The following PCDH9 variants were observed in gnomAD, a reference collection of about 807,000 sequenced individuals.
The protein encoded by PCDH9 is protocadherin 9.
PCDH9 carries 24 observed loss-of-function variants against 70.6 expected under a neutral mutation model. That is an observed-to-expected ratio of 0.34 (90% confidence interval 0.25 to 0.48). The LOEUF is 0.48. Ranked by LOEUF, PCDH9 falls within the 20% of genes least tolerant of loss-of-function variation. PCDH9 has a pLI of 0.99. For synonymous variants in PCDH9, 562 were observed against 558.5 expected (o/e 1.01, Z -0.09); for missense variants, 1,281 against 1,503.6 (o/e 0.85, Z 2.45).
chr13:66,436,333 C>T (rs1957867640), intron 4 of PCDH9, among the ~76,000 whole-genome samples: 1 of 152,122 alleles, frequency 6.6e-6, no homozygotes, highest in South Asian at 2.1e-4. Context: ...CAGCAAGAAA[C>T]ACCTCTCCAG....
chr13:66,423,726 G>A (rs1051393340), intron 4 of PCDH9, among the ~76,000 whole-genome samples: 16 of 152,136 alleles, frequency 1.1e-4, no homozygotes, highest in African/African-American at 3.9e-4. Flanking sequence ...ATATCATACT[G>A]AATGGGCAAA....
At chr13:66,608,935 A>G (rs910512836) in intron 4 of PCDH9, among the ~76,000 whole-genome samples, 4 of 152,172 alleles carry the variant, frequency 2.6e-5, no homozygotes, top group African/African-American at 9.7e-5. Context: ...TGCAGCAAAG[A>G]CTTTAGCTAA....
chr13:66,511,307 A>G (rs1368685446), intron 4 of PCDH9, among the ~76,000 whole-genome samples: 2 of 152,268 alleles, frequency 1.3e-5, no homozygotes, highest in East Asian at 1.9e-4. Flanking sequence ...ATATACTTGG[A>G]TTAGAATTCT....
chr13:67,078,446 G>A (rs2085921329), intron 2 of PCDH9, among the ~76,000 whole-genome samples: 1 of 151,988 alleles, frequency 6.6e-6, no homozygotes, highest in African/African-American at 2.4e-5. Context: ...TACCATCTTA[G>A]TGTCTGCTTC....
intron 2 of PCDH9, among the ~76,000 whole-genome samples, chr13:67,165,672 T>C (rs2088093361): frequency 6.6e-6 from 1 of 152,308 alleles, no homozygotes; most frequent in South Asian, 2.1e-4. Context: ...CTAACAGTTC[T>C]TTATGAGAAT....
intron 2 of PCDH9, among the ~76,000 whole-genome samples, chr13:67,027,701 T>C (rs1330242557): frequency 2.0e-5 from 3 of 149,924 alleles, no homozygotes; most frequent in South Asian, 4.3e-4. Flanking sequence ...GAATCTACAA[T>C]GAACTCAAAC....
At chr13:67,086,351 A>G (rs2086107440) in intron 2 of PCDH9, among the ~76,000 whole-genome samples, 1 of 152,188 alleles carries the variant, frequency 6.6e-6, no homozygotes, top group African/African-American at 2.4e-5. Context: ...GTACAGTTAC[A>G]CAGCACAAAC....
chr13:66,804,698 T>C (rs76746675), intron 3 of PCDH9, among the ~76,000 whole-genome samples: 2,958 of 152,282 alleles, frequency 0.019, 93 homozygotes, highest in African/African-American at 0.067. Context: ...TTTTCCTATA[T>C]AAAAATTACT....
At chr13:67,167,054 A>G (rs895878437) in intron 2 of PCDH9, among the ~76,000 whole-genome samples, 7 of 152,222 alleles carry the variant, frequency 4.6e-5, no homozygotes, top group African/African-American at 1.7e-4. Flanking sequence ...CATATATTTT[A>G]TAAGAATTCA....
intron 2 of PCDH9, among the ~76,000 whole-genome samples, chr13:67,167,570 A>G (rs968957024): frequency 6.6e-6 from 1 of 152,162 alleles, no homozygotes; most frequent in African/African-American, 2.4e-5. Context: ...TTAAGTCAAT[A>G]TCTTTTTCTT....
intron 4 of PCDH9, among the ~76,000 whole-genome samples, chr13:66,435,737 G>C (rs1957857483): frequency 6.6e-6 from 1 of 152,156 alleles, no homozygotes; most frequent in Non-Finnish European, 1.5e-5. Context: ...ACTATGAAAT[G>C]CTTCTGTTTT....
intron 2 of PCDH9, among the ~76,000 whole-genome samples, chr13:67,040,350 T>C (rs2085088156): frequency 6.6e-6 from 1 of 152,160 alleles, no homozygotes; most frequent in African/African-American, 2.4e-5. Flanking sequence ...GGTAAACACC[T>C]GCTAGTCCCA....
intron 3 of PCDH9, among the ~76,000 whole-genome samples, chr13:66,642,414 T>A (rs2077720442): frequency 6.6e-6 from 1 of 152,048 alleles, no homozygotes. Flanking sequence ...GAGTGTAGAA[T>A]TCATCATATG....
At chr13:66,843,103 C>A (rs1223818014) in intron 3 of PCDH9, among the ~76,000 whole-genome samples, 2 of 152,176 alleles carry the variant, frequency 1.3e-5, no homozygotes, top group African/African-American at 4.8e-5. Flanking sequence ...GTTTGAGATG[C>A]CAGCTACACA....
chr13:67,142,383 A>C (rs2087414583), intron 2 of PCDH9, among the ~76,000 whole-genome samples: 2 of 152,284 alleles, frequency 1.3e-5, no homozygotes, highest in South Asian at 4.1e-4. Context: ...TATATAAAAA[A>C]CAGGTATTTT....
chr13:66,745,133 A>C lies in PCDH9; in HGVS notation c.3139-113722T>G, dbSNP rs190130853. On this transcript the variant is annotated intron_variant, in intron 3 of 4. Coordinates refer to ENST00000377865, the MANE Select transcript of PCDH9 (RefSeq NM_203487.3). The stretch of plus-strand genomic sequence containing the variant: ...ACTCATAAGGATGTTTTGAAGACCA[A>C]GTTGATGAAGGGATCTTTGGCAATT... 2.6e-3 allele frequency among the ~76,000 whole-genome samples: 401 copies of C among 152,312 alleles called. 2 individuals are homozygous for C. The highest frequency in any genetic ancestry group is 9.3e-3 in the African/African-American group (385 of 41,580).
At position 66,902,728 on chromosome 13, in the gene PCDH9, A is replaced by G. The variant is rs76890138; in HGVS notation, c.3138+776T>C. ...TGGGAATCTTCTTCCATTTCACAACAATGCAAAAATAGTTAACACGACTGA... is the reference window on the plus strand; with the variant it reads ...TGGGAATCTTCTTCCATTTCACAACGATGCAAAAATAGTTAACACGACTGA... On this transcript the variant is annotated intron_variant, in intron 3 of 4. Transcript: ENST00000377865. Among the ~76,000 whole-genome samples, 1,285 of 151,892 alleles carry G rather than the reference A, an allele frequency of 8.5e-3. 19 individuals are homozygous for G. The highest frequency in any genetic ancestry group is 0.029 in the African/African-American group (1,203 of 41,520).
chr13:66,744,175 T>C (rs970405754), intron 3 of PCDH9, among the ~76,000 whole-genome samples: 2 of 152,198 alleles, frequency 1.3e-5, no homozygotes, highest in Non-Finnish European at 2.9e-5. Flanking sequence ...CTATAAACCC[T>C]TCTTTAAACG....
At chr13:66,760,506 A>T (rs2079607559) in intron 3 of PCDH9, among the ~76,000 whole-genome samples, 1 of 152,144 alleles carries the variant, frequency 6.6e-6, no homozygotes, top group Non-Finnish European at 1.5e-5. Flanking sequence ...CTTTACTTTA[A>T]TCTCTTAATC....
Sources: allele counts gnomAD v4.1 joint callset (sites outside exome capture counted in the v4.1 genomes callset), GRCh38; gene constraint gnomAD v4.1.1; transcripts MANE v1.5; gene names NCBI Gene and HGNC (gene_info 2026-07-23, HGNC 2026-07-21).